Variants in DLGAP1 observed in about 807,000 individuals in gnomAD.
DLGAP1 encodes DLG associated protein 1.
A neutral mutation model predicts 90.8 loss-of-function variants in DLGAP1; 11 were observed. The observed-to-expected ratio is 0.12, with a 90% confidence interval of 0.08 to 0.20. The LOEUF is 0.20. Among genes scored for constraint, DLGAP1 ranks in the 10% least tolerant of loss-of-function variants. The pLI is 1.00. For synonymous variants in DLGAP1, 558 were observed against 540.7 expected (o/e 1.03, Z -0.44); for missense variants, 1,050 against 1,333.8 (o/e 0.79, Z 3.31).
chr18:3,795,907 T>C (rs980960479), intron 5 of DLGAP1, among the ~76,000 whole-genome samples: 1 of 152,124 alleles, frequency 6.6e-6, no homozygotes, highest in Non-Finnish European at 1.5e-5. Flanking sequence ...TATGATCTCG[T>C]TGGACATCTG....
At chr18:4,143,412 T>G (rs2076528881) in intron 2 of DLGAP1, among the ~76,000 whole-genome samples, 1 of 151,732 alleles carries the variant, frequency 6.6e-6, no homozygotes, top group Non-Finnish European at 1.5e-5. Context: ...AGGCCCGTGA[T>G]GAGTACTGCC....
chr18:3,761,590 T>G (rs1378110344), intron 5 of DLGAP1, among the ~76,000 whole-genome samples: 1 of 151,966 alleles, frequency 6.6e-6, no homozygotes, highest in Non-Finnish European at 1.5e-5. Flanking sequence ...TTTTTTTTTT[T>G]TTTAAGACGG....
intron 3 of DLGAP1, among the ~76,000 whole-genome samples, chr18:3,946,513 C>T (rs1393401619): frequency 6.6e-6 from 1 of 152,054 alleles, no homozygotes; most frequent in Non-Finnish European, 1.5e-5. Context: ...TAGATTTGAT[C>T]AATTATTTGT....
intron 8 of DLGAP1, chr18:3,580,694 A>G: frequency 6.2e-7 from 1 of 1,613,318 alleles, no homozygotes; most frequent in South Asian, 1.1e-5. Context: ...CGGTGGCCAC[A>G]ATGATCACAG....
chr18:4,040,946 C>T (rs546502208), intron 2 of DLGAP1, among the ~76,000 whole-genome samples: 102 of 152,272 alleles, frequency 6.7e-4, no homozygotes, highest in African/African-American at 1.2e-3. Flanking sequence ...CAGAGAGACC[C>T]GGCATTAACA....
At position 3,567,556 on chromosome 18, in the gene DLGAP1, T is replaced by C; in HGVS notation, c.1991A>G (p.Lys664Arg). ...ACTGGGTGCTTTATTCTCCCCTGTT[T>C]TGTCAGGTTCTTCAGCATCATCCAC... ...IQVDDAEEPDKTGENKAPSKF... is the reference protein window; with the variant it reads ...IQVDDAEEPDRTGENKAPSKF... The change falls in exon 9 of 13, where the codon AAA becomes AGA. Residue 664 changes from lysine (K) to arginine (R), a missense_variant. This residue lies in a region of DLGAP1 where 565 missense variants were observed against 879.7 expected (regional missense o/e 0.64). Transcript: ENST00000315677. 5 of 1,614,046 alleles carry C rather than the reference T, an allele frequency of 3.1e-6. No homozygotes were observed. Among genetic ancestry groups the C allele is most frequent in the Non-Finnish European group, 4.2e-6 (5 of 1,179,978 alleles).
chr18:3,610,423 G>T (rs938948561), intron 7 of DLGAP1, among the ~76,000 whole-genome samples: 1 of 152,110 alleles, frequency 6.6e-6, no homozygotes, highest in Non-Finnish European at 1.5e-5. Flanking sequence ...TCTCTCTGAG[G>T]ACTGCTACCT....
At chr18:4,346,577 G>A (rs953216771) in intron 1 of DLGAP1, among the ~76,000 whole-genome samples, 7 of 152,098 alleles carry the variant, frequency 4.6e-5, no homozygotes, top group African/African-American at 7.2e-5. Flanking sequence ...ACTGATAATC[G>A]GGGAATTAGA....
chr18:4,301,634 A>G (rs1211656743), intron 1 of DLGAP1, among the ~76,000 whole-genome samples: 1 of 152,192 alleles, frequency 6.6e-6, no homozygotes, highest in African/African-American at 2.4e-5. Context: ...TATGCCTTTG[A>G]CACGCTGATT....
At chr18:3,915,144 T>C (rs980934463) in intron 3 of DLGAP1, among the ~76,000 whole-genome samples, 3 of 152,242 alleles carry the variant, frequency 2.0e-5, no homozygotes, top group Non-Finnish European at 4.4e-5. Context: ...TATGCCTGTT[T>C]GCCATTTGTA....
intron 7 of DLGAP1, among the ~76,000 whole-genome samples, chr18:3,681,458 T>A (rs1012389708): frequency 3.3e-5 from 5 of 152,188 alleles, no homozygotes; most frequent in Non-Finnish European, 7.3e-5. Flanking sequence ...AGAACTTTGA[T>A]CTCTAGTTAC....
intron 2 of DLGAP1, among the ~76,000 whole-genome samples, chr18:4,106,086 A>C (rs2075861891): frequency 6.6e-6 from 1 of 151,060 alleles, no homozygotes; most frequent in African/African-American, 2.4e-5. Context: ...AAACTGCTTA[A>C]TTTTTAAAAA....
intron 1 of DLGAP1, among the ~76,000 whole-genome samples, chr18:4,435,983 T>C (rs761913820): frequency 4.6e-5 from 7 of 151,898 alleles, no homozygotes; most frequent in Admixed American, 2.0e-4. Flanking sequence ...TAAAGGACAA[T>C]AGACTGCAGG....
intron 11 of DLGAP1, among the ~76,000 whole-genome samples, chr18:3,506,369 C>CG (rs2050216255): frequency 6.6e-6 from 1 of 150,766 alleles, no homozygotes; most frequent in Non-Finnish European, 1.5e-5. Flanking sequence ...CAAAATTGGC[C>CG]GGCTGTGGTG....
At chr18:4,434,086 A>G (rs1394589293) in intron 1 of DLGAP1, among the ~76,000 whole-genome samples, 1 of 152,100 alleles carries the variant, frequency 6.6e-6, no homozygotes, top group Non-Finnish European at 1.5e-5. Context: ...CCCAAAAGGT[A>G]TCCCTTTCCT....
At chr18:4,409,008 T>C (rs1437035627) in intron 1 of DLGAP1, among the ~76,000 whole-genome samples, 2 of 151,788 alleles carry the variant, frequency 1.3e-5, no homozygotes, top group Admixed American at 6.6e-5. Flanking sequence ...CACATTGTAT[T>C]TTGTAGAAGC....
intron 1 of DLGAP1, among the ~76,000 whole-genome samples, chr18:4,153,679 GA>G (rs2144426896): frequency 6.6e-6 from 1 of 152,282 alleles, no homozygotes; most frequent in East Asian, 1.9e-4. Context: ...GATGAAAGGT[GA>G]AAAACAGGAA....
intron 3 of DLGAP1, among the ~76,000 whole-genome samples, chr18:3,963,444 C>G (rs1048097414): frequency 3.9e-5 from 6 of 152,162 alleles, no homozygotes; most frequent in Non-Finnish European, 5.9e-5. Context: ...CCTGCTCTTC[C>G]AAGACCACCT....
intron 1 of DLGAP1, among the ~76,000 whole-genome samples, chr18:4,256,398 T>C (rs958747156): frequency 2.0e-5 from 3 of 152,196 alleles, no homozygotes; most frequent in East Asian, 3.9e-4. Context: ...AGATCCCCTC[T>C]ATAATAAATA....
Sources: allele counts gnomAD v4.1 joint callset (sites outside exome capture counted in the v4.1 genomes callset), GRCh38; gene constraint gnomAD v4.1.1; regional missense constraint gnomAD v4.1.1; transcripts MANE v1.5; gene names NCBI Gene and HGNC (gene_info 2026-07-23, HGNC 2026-07-21).